Variants in DCLRE1C observed in about 807,000 individuals in gnomAD.
DCLRE1C encodes protein artemis.
DCLRE1C carries 47 observed loss-of-function variants against 61.4 expected under a neutral mutation model. The ratio of observed to expected loss-of-function variants is 0.77; its 90% CI spans 0.61 to 0.98. The LOEUF is 0.98. DCLRE1C is among the 50% of genes least tolerant of loss of function. The pLI is 0.00. For synonymous variants in DCLRE1C, 337 were observed against 287.6 expected (o/e 1.17, Z -1.74); for missense variants, 858 against 816.0 (o/e 1.05, Z -0.63).
At chr10:14,909,977 A>ATGGG (rs879834445) in intron 13 of DCLRE1C, among the ~76,000 whole-genome samples, 217 of 152,344 alleles carry the variant, frequency 1.4e-3, no homozygotes, top group African/African-American at 4.8e-3. Flanking sequence ...CCTTACTTAG[A>ATGGG]AAAACAAATA....
intron 13 of DCLRE1C, among the ~76,000 whole-genome samples, chr10:14,912,993 C>A (rs1835530092): frequency 6.8e-6 from 1 of 146,116 alleles, no homozygotes. Flanking sequence ...ATAGCTGGGA[C>A]TACAGGCGCC....
rs535208039 is a variant in DCLRE1C at position 14,907,459 on chromosome 10, C to G, written c.*949G>C. On this transcript the variant is annotated 3_prime_UTR_variant, in exon 14 of 14. Coordinates refer to ENST00000378278, the MANE Select transcript of DCLRE1C (RefSeq NM_001033855.3). ...GGCTTATGATTTTCAGTTCTATATTCTTACTGATTAATGTGTATATACTAG... is the reference window on the plus strand; with the variant it reads ...GGCTTATGATTTTCAGTTCTATATTGTTACTGATTAATGTGTATATACTAG... Among the ~76,000 whole-genome samples the G allele has an allele frequency of 6.6e-6, 1 of 151,970 alleles. No individual in the cohort carries two copies. Among genetic ancestry groups the G allele is most frequent in the South Asian group, 2.1e-4 (1 of 4,810 alleles).
In DCLRE1C at chr10:14,934,263, G is replaced by C. The variant is rs1589059132; in HGVS notation, c.678+117C>G. The C allele has an allele frequency of 6.3e-6, 9 of 1,429,918 alleles. No individual in the cohort carries two copies. The South Asian group carries it at 8.9e-5, about 14-fold the overall frequency. The allele number at this position is 1,429,918 out of a possible 1,614,324, so 88.6% of individuals were successfully genotyped here. On this transcript the variant is annotated intron_variant, in intron 8 of 13. Coordinates refer to ENST00000378278, the MANE Select transcript of DCLRE1C (RefSeq NM_001033855.3). The stretch of plus-strand genomic sequence containing the variant: ...GAATTGCTTGAACCCGGGAGGTGGA[G>C]GCTGCAGTGAGCCGAGGTCGCGTCA...
At chr10:14,924,200 GCT>G (rs904964416) in intron 11 of DCLRE1C, among the ~76,000 whole-genome samples, 3 of 152,316 alleles carry the variant, frequency 2.0e-5, no homozygotes, top group South Asian at 2.1e-4. Flanking sequence ...ACTCGCGTGC[GCT>G]CTCTCTCAAT....
chr10:14,948,004 C>A (rs919676506), intron 2 of DCLRE1C, among the ~76,000 whole-genome samples: 2 of 152,160 alleles, frequency 1.3e-5, no homozygotes, highest in Non-Finnish European at 1.5e-5. Context: ...GAGCTGAGAT[C>A]GTGCCACTGC....
At chr10:14,945,551 T>C (rs1841541735) in intron 2 of DCLRE1C, 2 of 1,081,440 alleles carry the variant, frequency 1.8e-6, no homozygotes, top group South Asian at 5.4e-5. Context: ...CGCGCTTGTA[T>C]GTGATCAGGT....
intron 13 of DCLRE1C, among the ~76,000 whole-genome samples, chr10:14,918,504 G>A (rs899971994): frequency 3.3e-5 from 5 of 152,156 alleles, no homozygotes; most frequent in Admixed American, 1.3e-4. Context: ...AAACTTGAAG[G>A]TGATAATTTC....
chr10:14,946,617 G>C (rs115247916), intron 2 of DCLRE1C, among the ~76,000 whole-genome samples: 9 of 151,818 alleles, frequency 5.9e-5, no homozygotes, highest in Non-Finnish European at 1.3e-4. Flanking sequence ...TTTTAACCCT[G>C]AGTCTCCATT....
chr10:14,935,781 A>G (rs1392996593), intron 5 of DCLRE1C, among the ~76,000 whole-genome samples: 1 of 152,202 alleles, frequency 6.6e-6, no homozygotes, highest in East Asian at 1.9e-4. Context: ...CCAGTTTGTA[A>G]TAGATGTTCC....
chr10:14,910,931 A>T (rs138734347), intron 13 of DCLRE1C, among the ~76,000 whole-genome samples: 93 of 152,332 alleles, frequency 6.1e-4, no homozygotes, highest in African/African-American at 2.1e-3. Flanking sequence ...AACAGATTCC[A>T]GTCAGGGAGG....
At chr10:14,897,611 A>G in exon 14 of DCLRE1C, 1 of 1,045,464 alleles carries the variant, frequency 9.6e-7, no homozygotes. Flanking sequence ...TACTTGGTAC[A>G]TTTTGATATT....
intron 3 of DCLRE1C, chr10:14,942,407 A>G (rs1841000763): frequency 6.6e-6 from 1 of 152,234 alleles, no homozygotes; most frequent in Non-Finnish European, 1.5e-5. Flanking sequence ...GCCAGAGACA[A>G]CAGGAACAAC....
intron 13 of DCLRE1C, among the ~76,000 whole-genome samples, chr10:14,915,801 G>A (rs1836091336): frequency 6.6e-6 from 1 of 152,072 alleles, no homozygotes. Context: ...GCAGTATCCT[G>A]ATACCAAAAC....
chr10:14,944,574 C>T (rs1327031934), intron 3 of DCLRE1C, among the ~76,000 whole-genome samples: 2 of 151,880 alleles, frequency 1.3e-5, no homozygotes, highest in Non-Finnish European at 2.9e-5. Flanking sequence ...AAACTGAGAC[C>T]TAGATCTCAC....
At chr10:14,933,260 C>A (rs41297950) in intron 8 of DCLRE1C, among the ~76,000 whole-genome samples, 103 of 152,296 alleles carry the variant, frequency 6.8e-4, no homozygotes, top group South Asian at 1.9e-3. Context: ...AGTTAATATT[C>A]CTCGTACACC....
At chr10:14,931,708 G>C (rs958851408) in intron 9 of DCLRE1C, among the ~76,000 whole-genome samples, 5 of 152,118 alleles carry the variant, frequency 3.3e-5, no homozygotes, top group Non-Finnish European at 7.4e-5. Flanking sequence ...ATCTCAAGTA[G>C]AAGAAAAAGT....
At chr10:14,929,299 G>T (rs35225035) in intron 9 of DCLRE1C, among the ~76,000 whole-genome samples, 1 of 152,006 alleles carries the variant, frequency 6.6e-6, no homozygotes, top group Non-Finnish European at 1.5e-5. Flanking sequence ...AGCTACTTGG[G>T]AGGCTGAGGC....
At position 14,909,037 on chromosome 10, in the gene DCLRE1C, C is replaced by T. The variant is rs776999438; in HGVS notation, c.1450G>A (p.Gly484Arg). The T allele has an allele frequency of 1.9e-6, 3 of 1,614,160 alleles. No homozygotes were observed. Among genetic ancestry groups the T allele is most frequent in the East Asian group, 2.2e-5 (1 of 44,888 alleles). The change falls in exon 14 of 14, where the codon GGG becomes AGG. Residue 484 changes from glycine (G) to arginine (R), a missense_variant. Gly to Arg is a moderately radical substitution (Grantham distance 125, BLOSUM62 -2). Around this residue, in one of 2 missense-constraint regions of DCLRE1C, gnomAD observed 843 missense variants for 783.5 expected, o/e 1.08. Coordinates refer to ENST00000378278, the MANE Select transcript of DCLRE1C (RefSeq NM_001033855.3). Reference protein sequence around the residue: ...GSVLHLQKADGDVPQWEVFFK... With the variant: ...GSVLHLQKADRDVPQWEVFFK... Reference sequence around the variant, plus strand: ...AATACTTCCCACTGGGGTACATCCCCATCAGCCTTTTGCAGGTGAAGTACA... The same window carrying T: ...AATACTTCCCACTGGGGTACATCCCTATCAGCCTTTTGCAGGTGAAGTACA...
At chr10:14,948,812 G>C (rs1483758374) in intron 2 of DCLRE1C, among the ~76,000 whole-genome samples, 1 of 149,592 alleles carries the variant, frequency 6.7e-6, no homozygotes, top group East Asian at 2.0e-4. Flanking sequence ...AACAGCCAAA[G>C]CTAACCCATG....
Sources: gnomAD v4.1 joint callset for allele counts (sites outside exome capture counted in the v4.1 genomes callset) on GRCh38, gnomAD v4.1.1 for gene constraint, gnomAD v4.1.1 regional missense constraint, MANE v1.5 for transcripts, NCBI Gene and HGNC (gene_info 2026-07-23, HGNC 2026-07-21) for gene names.